The following LHPP variants were observed in gnomAD, a reference collection of about 807,000 sequenced individuals.
The protein encoded by LHPP is phospholysine phosphohistidine inorganic pyrophosphate phosphatase, also known as hLHPP.
In LHPP, 24 loss-of-function variants were observed where a neutral mutation model predicts 30.3. The observed-to-expected ratio is 0.79, with a 90% CI of 0.57 to 1.11. The LOEUF is 1.11. LHPP is among the 50% of genes most tolerant of loss of function. The pLI is 0.00. For synonymous variants in LHPP, 150 were observed against 157.1 expected, an observed-to-expected ratio of 0.95 and a Z score of 0.34; for missense variants, 356 against 367.2, an observed-to-expected ratio of 0.97 and a Z score of 0.25.
intron 5 of LHPP, among the ~76,000 whole-genome samples, chr10:124,509,748 G>C (rs1353826180): frequency 1.3e-5 from 2 of 151,724 alleles, no homozygotes; most frequent in African/African-American, 4.8e-5. Context: ...ATCTCCCTGG[G>C]GGATATGTGC....
intron 6 of LHPP, among the ~76,000 whole-genome samples, chr10:124,610,416 AGGGTGAG>A (rs1949160398): frequency 1.0e-5 from 1 of 97,774 alleles, no homozygotes; most frequent in African/African-American, 4.1e-5. Context: ...GGAGCGGGTG[AGGGTGAG>A]GGTGAGGGTG....
intron 1 of LHPP, among the ~76,000 whole-genome samples, chr10:124,468,299 G>A (rs957015864): frequency 3.9e-5 from 6 of 152,170 alleles, no homozygotes; most frequent in Non-Finnish European, 8.8e-5. Context: ...CTAGCTGGGG[G>A]TGTCTCTGGT....
chr10:124,463,369 CT>C (rs372849989), intron 1 of LHPP, among the ~76,000 whole-genome samples: 90 of 144,638 alleles, frequency 6.2e-4, no homozygotes, highest in Non-Finnish European at 7.2e-4. Context: ...CATGAGGACA[CT>C]TTTTTTTTTT....
At chr10:124,474,428 C>T (rs963188884) in intron 1 of LHPP, among the ~76,000 whole-genome samples, 5 of 152,148 alleles carry the variant, frequency 3.3e-5, no homozygotes, top group African/African-American at 1.2e-4. Context: ...GTATGAACCA[C>T]CGTGCCCGGC....
rs934823291 is a variant in LHPP at position 124,478,466 on chromosome 10, C to G, written c.126-5673C>G. On this transcript the variant is annotated intron_variant, in intron 1 of 6. Transcript: ENST00000368842. This position sits in a 1 kb window ranked among gnomAD's most constrained non-coding sequence, Gnocchi z 4.7. ...CCCTCCGAGGGATCCCATTCTCCCT[C>G]CAGCCTCAGGACCCTCGGCGGTCCC... 6.6e-6 allele frequency among the ~76,000 whole-genome samples: 1 copy of G among 152,358 alleles called. No individual in the cohort carries two copies. Among genetic ancestry groups the G allele is most frequent in the East Asian group, 1.9e-4 (1 of 5,186 alleles).
intron 5 of LHPP, among the ~76,000 whole-genome samples, chr10:124,501,456 G>A (rs961348627): frequency 1.1e-4 from 16 of 151,476 alleles, no homozygotes; most frequent in African/African-American, 3.9e-4. Context: ...ACAAACATTA[G>A]CCAGACGTGG....
chr10:124,494,908 G>A (rs548254886), intron 3 of LHPP, among the ~76,000 whole-genome samples: 16 of 152,214 alleles, frequency 1.1e-4, no homozygotes, highest in Admixed American at 2.0e-4. Context: ...ATCTGGGATC[G>A]TTAATGCCAA....
intron 2 of LHPP, among the ~76,000 whole-genome samples, chr10:124,487,024 G>A (rs775026115): frequency 7.9e-5 from 12 of 152,216 alleles, no homozygotes; most frequent in Non-Finnish European, 1.5e-4. Context: ...TTTACCCAAC[G>A]TAATGTTTTT....
rs1339905097 is a variant in LHPP, at chr10:124,478,069, C to T, written c.126-6070C>T. 2.0e-5 allele frequency among the ~76,000 whole-genome samples: 3 copies of T among 152,170 alleles called. No individual in the cohort carries two copies. The highest frequency in any genetic ancestry group is 4.4e-5 in the Non-Finnish European group (3 of 68,028). On this transcript the variant is annotated intron_variant, in intron 1 of 6. Transcript: ENST00000368842. The surrounding 1 kb of genome is among the most constrained non-coding windows in gnomAD (Gnocchi z 4.7). Reference sequence around the variant, plus strand: ...TCTTGGCTCCACTGTGGTTGGGCACCAGGCATGGCAGAGGTGCTGAGCAGA... The same window carrying T: ...TCTTGGCTCCACTGTGGTTGGGCACTAGGCATGGCAGAGGTGCTGAGCAGA...
intron 6 of LHPP, among the ~76,000 whole-genome samples, chr10:124,547,725 C>T (rs561004096): frequency 7.3e-6 from 1 of 136,940 alleles, no homozygotes; most frequent in Non-Finnish European, 1.5e-5. Flanking sequence ...TCAGGCTGGA[C>T]CCAGCCCTGA....
chr10:124,598,614 G>A (rs538996153), intron 6 of LHPP, among the ~76,000 whole-genome samples: 11 of 147,376 alleles, frequency 7.5e-5, no homozygotes, highest in East Asian at 6.0e-4. Flanking sequence ...TGCTGGGAGC[G>A]GTCCATCCAC....
At chr10:124,591,728 C>T (rs1031032484) in intron 6 of LHPP, among the ~76,000 whole-genome samples, 1 of 152,070 alleles carries the variant, frequency 6.6e-6, no homozygotes, top group Non-Finnish European at 1.5e-5. Context: ...CTATGAATTT[C>T]CCTCTGAATC....
At chr10:124,482,516 A>G (rs1360737241) in intron 1 of LHPP, among the ~76,000 whole-genome samples, 2 of 152,184 alleles carry the variant, frequency 1.3e-5, no homozygotes, top group Non-Finnish European at 2.9e-5. Context: ...CTGCAGCTCC[A>G]TGCAGATGTC....
intron 6 of LHPP, among the ~76,000 whole-genome samples, chr10:124,522,620 C>T (rs1237544502): frequency 6.6e-6 from 1 of 152,178 alleles, no homozygotes; most frequent in African/African-American, 2.4e-5. Flanking sequence ...GGTAGAATGT[C>T]CTGCCCTTGG....
At chr10:124,540,236 G>T (rs75060191) in intron 6 of LHPP, among the ~76,000 whole-genome samples, 7,981 of 152,274 alleles carry the variant, frequency 0.052, 298 homozygotes, top group East Asian at 0.12. Context: ...CCGAGACAAG[G>T]AGGGCTCCCA....
At chr10:124,469,340 G>A (rs1952657469) in intron 1 of LHPP, among the ~76,000 whole-genome samples, 1 of 152,092 alleles carries the variant, frequency 6.6e-6, no homozygotes, top group South Asian at 2.1e-4. Context: ...GATTTTCTGT[G>A]ATGATGGGTC....
rs147556885 is a variant in LHPP, at chr10:124,488,447, C to G, written c.339C>G (p.Ile113Met). The change falls in exon 3 of 7, where the codon ATC becomes ATG. Residue 113 changes from isoleucine to methionine, a missense_variant. Ile to Met is a conservative substitution (Grantham distance 10). Transcript: ENST00000368842. ...GAGTCCGCTCAGAATTTGATCAGATCGACACATCCAACCCAAACTGTGTGG... is the reference window on the plus strand; with the variant it reads ...GAGTCCGCTCAGAATTTGATCAGATGGACACATCCAACCCAAACTGTGTGG... ...HDGVRSEFDQ[I>M]DTSNPNCVVI... 6.2e-7 allele frequency: 1 copy of G among 1,613,972 alleles called. No homozygotes were observed. The highest frequency in any genetic ancestry group is 8.5e-7 in the Non-Finnish European group (1 of 1,179,968).
intron 1 of LHPP, among the ~76,000 whole-genome samples, chr10:124,464,078 A>G (rs1007369829): frequency 3.9e-5 from 6 of 152,156 alleles, no homozygotes; most frequent in Non-Finnish European, 8.8e-5. Flanking sequence ...CTCAGCTCCC[A>G]GAGTTCTGGG....
chr10:124,468,550 C>T (rs1170182596), intron 1 of LHPP, among the ~76,000 whole-genome samples: 1 of 152,134 alleles, frequency 6.6e-6, no homozygotes, highest in East Asian at 1.9e-4. Flanking sequence ...GACCAAGTCC[C>T]CATGTCCTGC....
Sources: gnomAD v4.1 joint callset for allele counts (sites outside exome capture counted in the v4.1 genomes callset) on GRCh38, gnomAD v4.1.1 for gene constraint, Gnocchi (gnomAD v3.1) non-coding constraint, MANE v1.5 for transcripts, NCBI Gene and HGNC (gene_info 2026-07-23, HGNC 2026-07-21) for gene names.